Variants in ATCAY observed in about 807,000 individuals in gnomAD.
ATCAY encodes the protein ATCAY kinesin light chain interacting caytaxin.
Under a neutral mutation model 47.7 loss-of-function variants are expected in ATCAY, and 22 were observed. That is an observed-to-expected ratio of 0.46 (90% CI 0.33 to 0.66). The LOEUF (loss-of-function observed/expected upper bound fraction) is 0.66. Among genes scored for constraint, ATCAY ranks in the 30% least tolerant of loss-of-function variants. ATCAY has a pLI of 0.02. For missense variants in ATCAY, 452 were observed against 515.0 expected, an observed-to-expected ratio of 0.88 and a Z score of 1.18; for synonymous variants, 216 against 207.6, an observed-to-expected ratio of 1.04 and a Z score of -0.35.
intron 11 of ATCAY, 128 bp downstream of exon 11, chr19:3,919,005 T>C (rs2038992844): frequency 4.4e-6 from 5 of 1,148,844 alleles, no homozygotes; most frequent in South Asian, 3.9e-5. Flanking sequence ...TGGCCGGCCA[T>C]GGTGGCTCAC....
chr19:3,899,432 G>C (rs762430000), intron 2 of ATCAY, among the ~76,000 whole-genome samples: 3 of 148,454 alleles, frequency 2.0e-5, no homozygotes, highest in Non-Finnish European at 4.4e-5. Flanking sequence ...TCCTGCCTCA[G>C]CCTCCCCAGT....
intron 8 of ATCAY, among the ~76,000 whole-genome samples, chr19:3,912,726 A>AT (rs552616971): frequency 6.6e-6 from 1 of 151,732 alleles, no homozygotes; most frequent in African/African-American, 2.4e-5. Context: ...ACAAAAAAAA[A>AT]TTTTTTTTAA....
chr19:3,888,932 G>A (rs998253191), intron 2 of ATCAY, among the ~76,000 whole-genome samples: 2 of 152,094 alleles, frequency 1.3e-5, no homozygotes, highest in Non-Finnish European at 2.9e-5. Flanking sequence ...ACCTGTCTGT[G>A]TTTCTTTGCA....
chr19:3,895,069 A>G (rs2038755996), intron 2 of ATCAY: 4 of 448,840 alleles, frequency 8.9e-6, no homozygotes, highest in Admixed American at 4.8e-5. Context: ...CGTAAGCATC[A>G]CTATCTGCCT....
intron 12 of ATCAY, among the ~76,000 whole-genome samples, chr19:3,921,353 A>G (rs1465706275): frequency 6.6e-6 from 1 of 151,678 alleles, no homozygotes; most frequent in African/African-American, 2.4e-5. Context: ...CCTAAAAAAA[A>G]TACAAAAATT....
At chr19:3,883,949 C>CCCCCTGCCCTG (rs2145217295) in intron 1 of ATCAY, among the ~76,000 whole-genome samples, 1 of 152,048 alleles carries the variant, frequency 6.6e-6, no homozygotes, top group South Asian at 2.1e-4. Flanking sequence ...CAGACTGCTC[C>CCCCCTGCCCTG]CCCCTGCCCT....
chr19:3,905,763 C>G, intron 4 of ATCAY, 108 bp downstream of exon 4: 1 of 985,892 alleles, frequency 1.0e-6, no homozygotes, highest in Non-Finnish European at 1.5e-6. Flanking sequence ...GGCAGGGGCT[C>G]TAAGCAGTCT....
intron 2 of ATCAY, among the ~76,000 whole-genome samples, chr19:3,888,896 C>G (rs548634231): frequency 4.5e-4 from 68 of 152,100 alleles, no homozygotes; most frequent in African/African-American, 1.5e-3. Flanking sequence ...TGAATCCAGT[C>G]ATTGCCAGGC....
chr19:3,906,136 A>C, intron 4 of ATCAY, among the ~76,000 whole-genome samples: 1 of 148,148 alleles, frequency 6.8e-6, no homozygotes, highest in Non-Finnish European at 1.5e-5. Flanking sequence ...GTGCCACTGC[A>C]CTCCAGCCTG....
chr19:3,897,332 C>T (rs981650291), intron 2 of ATCAY, among the ~76,000 whole-genome samples: 6 of 149,480 alleles, frequency 4.0e-5, no homozygotes, highest in Non-Finnish European at 7.4e-5. Flanking sequence ...TATCGCCTCG[C>T]TCTGTCATCC....
rs1425019395 is a variant in ATCAY at position 3,907,404 on chromosome 19, A to G, written c.359-330A>G. The stretch of plus-strand genomic sequence containing the variant: ...CTGGGAGAGTAAAAACCAAGCATGC[A>G]TGCCCCGAGTATCCTCGTGGTTTGA... On this transcript the variant is annotated intron_variant, in intron 4 of 12. Coordinates refer to ENST00000450849, the MANE Select transcript of ATCAY (RefSeq NM_033064.5). The surrounding 1 kb of genome is among the most constrained non-coding windows in gnomAD (Gnocchi z 5.1). 6.6e-6 allele frequency among the ~76,000 whole-genome samples: 1 copy of G among 152,142 alleles called. No homozygotes were observed. Among genetic ancestry groups the G allele is most frequent in the Non-Finnish European group, 1.5e-5 (1 of 68,030 alleles).
chr19:3,907,784 C>A lies in ATCAY; in HGVS notation c.409C>A (p.Leu137Ile). The A allele has an allele frequency of 6.2e-7, 1 of 1,614,046 alleles. No individual in the cohort carries two copies. The highest frequency in any genetic ancestry group is 8.5e-7 in the Non-Finnish European group (1 of 1,179,894). The change falls in exon 5 of 13, where the codon CTA becomes ATA. Residue 137 changes from leucine to isoleucine, a missense_variant. Coordinates refer to ENST00000450849, the MANE Select transcript of ATCAY (RefSeq NM_033064.5). This position sits in a 1 kb window ranked among gnomAD's most constrained non-coding sequence, Gnocchi z 5.1. Reference sequence around the variant, plus strand: ...GAACATGCCCGGGGACAGCGCGGATCTATTTGGGGACGGCACGACGGAGGA... The same window carrying A: ...GAACATGCCCGGGGACAGCGCGGATATATTTGGGGACGGCACGACGGAGGA... The part of the protein sequence containing the change: ...AKNMPGDSAD[L>I]FGDGTTEDGS...
intron 2 of ATCAY, among the ~76,000 whole-genome samples, chr19:3,888,114 A>AC (rs981096294): frequency 1.4e-4 from 7 of 51,280 alleles, no homozygotes; most frequent in African/African-American, 1.1e-3. Context: ...ACTCCGTCTC[A>AC]AAAAAAAAAA....
In ATCAY at chr19:3,914,235, C is replaced by CAAAAAAAAAAAAAA. The variant is rs56742726; in HGVS notation, c.965+381_965+394dup. The stretch of plus-strand genomic sequence containing the variant: ...TGGGCCACAGAGCGAGACTCCATCG[C>CAAAAAAAAAAAAAA]AAAAAAAAAAAAAAAGGGCTAACGG... On this transcript the variant is annotated intron_variant, in intron 9 of 12. Transcript: ENST00000450849. Among the ~76,000 whole-genome samples the CAAAAAAAAAAAAAA allele has an allele frequency of 5.9e-4, 37 of 62,566 alleles. 5 individuals carry two copies. Among genetic ancestry groups the CAAAAAAAAAAAAAA allele is most frequent in the African/African-American group, 1.8e-3 (17 of 9,562 alleles). The allele number at this position is 62,566 out of a possible 152,430, so 41.0% of individuals were successfully genotyped here.
At chr19:3,915,803 C>A (rs2038962146) in intron 9 of ATCAY, among the ~76,000 whole-genome samples, 1 of 151,120 alleles carries the variant, frequency 6.6e-6, no homozygotes, top group Admixed American at 6.6e-5. Context: ...GATCCGCCCA[C>A]CTCAGCCTCC....
intron 3 of ATCAY, among the ~76,000 whole-genome samples, chr19:3,904,324 A>C (rs1390076457): frequency 1.3e-5 from 2 of 152,184 alleles, no homozygotes; most frequent in African/African-American, 4.8e-5. Flanking sequence ...ACTCCATCTC[A>C]AAAAAATAAA....
intron 3 of ATCAY, 124 bp downstream of exon 3, chr19:3,902,669 G>A (rs1599285704): frequency 1.8e-6 from 2 of 1,109,282 alleles, no homozygotes; most frequent in East Asian, 2.7e-5. Context: ...TTCTGTCCTG[G>A]GGTCTATGGT....
At chr19:3,923,668 G>A (rs1439247862) in intron 12 of ATCAY, among the ~76,000 whole-genome samples, 1 of 151,768 alleles carries the variant, frequency 6.6e-6, no homozygotes, top group Non-Finnish European at 1.5e-5. Flanking sequence ...TGGATGGGTA[G>A]GCATATGGAT....
At chr19:3,884,943 T>C (rs947201090) in intron 1 of ATCAY, among the ~76,000 whole-genome samples, 6 of 147,558 alleles carry the variant, frequency 4.1e-5, no homozygotes, top group Non-Finnish European at 9.0e-5. Flanking sequence ...AAAAAAAGAT[T>C]TTAAAAAATT....
Sources: allele counts gnomAD v4.1 joint callset (sites outside exome capture counted in the v4.1 genomes callset), GRCh38; gene constraint gnomAD v4.1.1; non-coding constraint Gnocchi (gnomAD v3.1); transcripts MANE v1.5; gene names NCBI Gene and HGNC (gene_info 2026-07-23, HGNC 2026-07-21).